GRID2: variants seen among roughly 807,000 people sequenced by gnomAD.
GRID2 encodes glutamate receptor ionotropic, delta-2.
A neutral mutation model predicts 114.8 loss-of-function variants in GRID2; 33 were observed. The observed-to-expected ratio is 0.29, with a 90% CI of 0.22 to 0.38. The LOEUF (loss-of-function observed/expected upper bound fraction) is 0.38. GRID2 is among the 10% of genes least tolerant of loss of function. The pLI, the probability that GRID2 is intolerant of heterozygous loss-of-function variation, is 1.00. For synonymous variants in GRID2, 505 were observed against 449.9 expected (o/e 1.12, Z -1.55); for missense variants, 1,184 against 1,257.7 (o/e 0.94, Z 0.89).
At chr4:93,192,747 C>CAAAAA (rs775968274) in intron 4 of GRID2, among the ~76,000 whole-genome samples, 12 of 43,684 alleles carry the variant, frequency 2.7e-4, no homozygotes, top group African/African-American at 4.0e-4. Flanking sequence ...AACTCCATCT[C>CAAAAA]AAAAAAAAAA....
intron 2 of GRID2, among the ~76,000 whole-genome samples, chr4:92,592,771 A>C (rs146968589): frequency 6.6e-6 from 1 of 152,094 alleles, no homozygotes; most frequent in East Asian, 1.9e-4. Flanking sequence ...TCCCTATTCA[A>C]TATCAAGAAG....
At chr4:93,445,533 TAA>T (rs1412521860) in intron 10 of GRID2, among the ~76,000 whole-genome samples, 2 of 152,078 alleles carry the variant, frequency 1.3e-5, no homozygotes, top group Non-Finnish European at 2.9e-5. Flanking sequence ...CTGTGGTATA[TAA>T]AAGTTTCACT....
chr4:92,354,355 G>GT (rs1560583169), intron 1 of GRID2, among the ~76,000 whole-genome samples: 1 of 151,852 alleles, frequency 6.6e-6, no homozygotes, highest in African/African-American at 2.4e-5. Context: ...GTTTCTGCTG[G>GT]TTTTTTTATG....
chr4:93,327,063 T>C (rs1480025772), intron 8 of GRID2, among the ~76,000 whole-genome samples: 2 of 152,176 alleles, frequency 1.3e-5, no homozygotes, highest in Admixed American at 6.6e-5. Context: ...TGCTAAGTGT[T>C]GGAATTTCCT....
chr4:92,560,050 T>C (rs1727037153), intron 1 of GRID2, among the ~76,000 whole-genome samples: 1 of 152,218 alleles, frequency 6.6e-6, no homozygotes, highest in African/African-American at 2.4e-5. Context: ...ATATCATTAC[T>C]AAATAATGAG....
intron 2 of GRID2, among the ~76,000 whole-genome samples, chr4:92,929,559 T>G (rs1750072406): frequency 6.6e-6 from 1 of 151,396 alleles, no homozygotes; most frequent in Non-Finnish European, 1.5e-5. Context: ...AAGAGTTGGC[T>G]GTCTGATAAT....
chr4:92,385,963 C>T (rs1579279324), intron 1 of GRID2, among the ~76,000 whole-genome samples: 1 of 146,350 alleles, frequency 6.8e-6, no homozygotes, highest in East Asian at 2.0e-4. Flanking sequence ...ATAAGTCCTC[C>T]AATAGGAAAA....
intron 13 of GRID2, among the ~76,000 whole-genome samples, chr4:93,583,694 CTCTT>C (rs1034117026): frequency 6.6e-6 from 1 of 152,140 alleles, no homozygotes; most frequent in African/African-American, 2.4e-5. Flanking sequence ...AAATTTCTCT[CTCTT>C]CCAATTTTCC....
chr4:92,882,867 A>G (rs1208732194), intron 2 of GRID2, among the ~76,000 whole-genome samples: 2 of 152,244 alleles, frequency 1.3e-5, no homozygotes, highest in African/African-American at 4.8e-5. Context: ...TGAGCCTTCA[A>G]CAAGTACAAA....
intron 13 of GRID2, among the ~76,000 whole-genome samples, chr4:93,526,604 G>A (rs1328923448): frequency 1.3e-5 from 2 of 152,198 alleles, no homozygotes. Flanking sequence ...GAGGTCAGGA[G>A]TTCGAGACCA....
chr4:93,126,659 G>A (rs1734296439), intron 4 of GRID2, among the ~76,000 whole-genome samples: 1 of 135,900 alleles, frequency 7.4e-6, no homozygotes, highest in Admixed American at 7.9e-5. Flanking sequence ...GTGCAGTGGC[G>A]CGATCTCGGC....
At chr4:92,565,687 A>G (rs995727922) in intron 1 of GRID2, among the ~76,000 whole-genome samples, 37 of 151,966 alleles carry the variant, frequency 2.4e-4, no homozygotes, top group African/African-American at 8.0e-4. Context: ...GCATATGTAC[A>G]TACTCCTATA....
chr4:93,361,998 C>G (rs1045188660), intron 8 of GRID2, among the ~76,000 whole-genome samples: 1 of 152,052 alleles, frequency 6.6e-6, no homozygotes, highest in Admixed American at 6.6e-5. Flanking sequence ...CCCCTTCCCC[C>G]ACCCCACAGG....
chr4:93,107,254 A>T (rs1425493480), intron 3 of GRID2, among the ~76,000 whole-genome samples: 1 of 152,124 alleles, frequency 6.6e-6, no homozygotes, highest in Admixed American at 6.5e-5. Context: ...AGCTGATGTC[A>T]TGCCACTACA....
intron 2 of GRID2, among the ~76,000 whole-genome samples, chr4:92,989,858 C>T (rs1005094994): frequency 8.6e-5 from 13 of 151,968 alleles, no homozygotes; most frequent in Admixed American, 4.6e-4. Context: ...CAAAAACATC[C>T]GTTTATATGA....
At chr4:93,492,737 T>C (rs1727141834) in intron 12 of GRID2, among the ~76,000 whole-genome samples, 1 of 151,864 alleles carries the variant, frequency 6.6e-6, no homozygotes, top group East Asian at 1.9e-4. Context: ...AGCTTAATTG[T>C]CAAATAAAAA....
intron 2 of GRID2, among the ~76,000 whole-genome samples, chr4:93,024,097 A>G (rs1345357958): frequency 6.6e-6 from 1 of 151,902 alleles, no homozygotes; most frequent in Non-Finnish European, 1.5e-5. Context: ...AAAGCCAGAT[A>G]CGGAATTATA....
chr4:92,838,558 G>A (rs1578273274), intron 2 of GRID2, among the ~76,000 whole-genome samples: 2 of 152,054 alleles, frequency 1.3e-5, no homozygotes, highest in African/African-American at 4.8e-5. Context: ...AAATTGAAAT[G>A]TTTTACCTCT....
intron 1 of GRID2, among the ~76,000 whole-genome samples, chr4:92,309,875 C>G (rs1028128881): frequency 1.3e-5 from 2 of 151,838 alleles, no homozygotes; most frequent in African/African-American, 4.8e-5. Context: ...AGTAAACACA[C>G]ATTAGTGAAT....
Sources: gnomAD v4.1 joint callset for allele counts (sites outside exome capture counted in the v4.1 genomes callset) on GRCh38, gnomAD v4.1.1 for gene constraint, MANE v1.5 for transcripts, NCBI Gene and HGNC (gene_info 2026-07-23, HGNC 2026-07-21) for gene names.